Variants in KLF10 observed in about 807,000 individuals in gnomAD.
KLF10 encodes KLF transcription factor 10, also known as Krueppel-like factor 10.
A neutral mutation model predicts 31.6 loss-of-function variants in KLF10; 17 were observed. The observed-to-expected ratio is 0.54, with a 90% CI of 0.37 to 0.81. KLF10 has a LOEUF of 0.81. Ranked by LOEUF, KLF10 falls within the 30% of genes least tolerant of loss-of-function variation. KLF10 has a pLI of 0.00. For synonymous variants in KLF10, 239 were observed against 215.1 expected (o/e 1.11, Z -0.97); for missense variants, 525 against 598.1 (o/e 0.88, Z 1.27).
At chr8:102,655,262 C>T (rs569882180) in intron 1 of KLF10, among the ~76,000 whole-genome samples, 1 of 151,832 alleles carries the variant, frequency 6.6e-6, no homozygotes, top group African/African-American at 2.4e-5. Flanking sequence ...CCCCGCTCGT[C>T]ATCCTCCTCC....
chr8:102,652,086 A>T (rs748040217), intron 2 of KLF10, 25 bp from the exon 3 acceptor site: 1 of 1,530,510 alleles, frequency 6.5e-7, no homozygotes, highest in South Asian at 1.3e-5. Context: ...AATACATAGC[A>T]TGAGAAATCT....
rs569394051 is a variant in KLF10, at chr8:102,649,044, G to C, written c.*1088C>G. 24 of 152,620 alleles carry C rather than the reference G, an allele frequency of 1.6e-4. No individual in the cohort carries two copies. Among genetic ancestry groups the C allele is most frequent in the African/African-American group, 5.5e-4 (23 of 41,532 alleles). The allele number at this position is 152,620 out of a possible 1,614,324, so 9.5% of individuals were successfully genotyped here. On this transcript the variant is annotated 3_prime_UTR_variant, in exon 4 of 4. Transcript: ENST00000285407. ...ATCCACTATATAACAGAATAAAAGAGAAATACTGTTAACAAAAGTGAATGT... is the reference window on the plus strand; with the variant it reads ...ATCCACTATATAACAGAATAAAAGACAAATACTGTTAACAAAAGTGAATGT...
intron 1 of KLF10, among the ~76,000 whole-genome samples, chr8:102,655,244 C>T (rs551394308): frequency 6.6e-5 from 10 of 152,070 alleles, no homozygotes; most frequent in Admixed American, 3.3e-4. Context: ...GCCCCCTCCC[C>T]ACTCCTCCCC....
intron 1 of KLF10, among the ~76,000 whole-genome samples, chr8:102,654,959 G>T (rs1184418882): frequency 1.3e-5 from 2 of 151,248 alleles, no homozygotes; most frequent in Non-Finnish European, 3.0e-5. Context: ...TCATCCCCCC[G>T]CTCCGACGAC....
Position 102,652,190 on chromosome 8 carries a change from G to C in KLF10, c.244C>G (p.Pro82Ala). Residue 82 changes from proline (P) to alanine (A), a missense_variant, in exon 2 of 4, where the codon CCT (proline) becomes GCT (alanine). By Grantham distance (27) the Pro-to-Ala change is conservative (BLOSUM62 -1). This residue lies in a region of KLF10 where 434 missense variants were observed against 450.7 expected (regional missense o/e 0.96). Transcript: ENST00000285407. The part of the protein sequence containing the change: ...SEEENLLPGT[P>A]DFHTIPAFCL... ...AATGCTGGGATTGTATGAAAATCAG[G>C]TGTTCCCGGAAGCAGATTCTCTTCC... 1 of 1,600,484 alleles carries C rather than the reference G, an allele frequency of 6.2e-7. No individual in the cohort carries two copies. Among genetic ancestry groups the C allele is most frequent in the Non-Finnish European group, 8.5e-7 (1 of 1,171,376 alleles).
At chr8:102,650,416 T>C (rs1334535212) in intron 3 of KLF10, 25 bp from the exon 4 acceptor site, 1 of 1,601,666 alleles carries the variant, frequency 6.2e-7, no homozygotes, top group African/African-American at 1.3e-5. Flanking sequence ...TACAAATCAT[T>C]ATTATGCATA....
At chr8:102,653,253 C>T (rs999873119) in intron 1 of KLF10, among the ~76,000 whole-genome samples, 1 of 152,142 alleles carries the variant, frequency 6.6e-6, no homozygotes, top group African/African-American at 2.4e-5. Flanking sequence ...TGCAATATTA[C>T]TAAAAACTGG....
Position 102,651,876 on chromosome 8 carries a change from T to A in KLF10, c.456A>T (p.Ala152=), listed in dbSNP as rs749606645. 5.6e-6 allele frequency: 9 copies of A among 1,614,096 alleles called. No homozygotes were observed. In the East Asian group the frequency reaches 2.0e-4, roughly 36 times the overall value. The part of the protein sequence containing the change: ...VSAPKLPKAQ[A]TSVIRHTADA... Reference sequence around the variant, plus strand: ...CAGCTGTATGACGAATCACACTTGTTGCCTGAGCTTTGGGGAGTTTGGGGG... The same window carrying A: ...CAGCTGTATGACGAATCACACTTGTAGCCTGAGCTTTGGGGAGTTTGGGGG... Residue 152 remains alanine (A), a synonymous_variant, in exon 3 of 4, where the codon GCA becomes GCT. Coordinates refer to ENST00000285407, the MANE Select transcript of KLF10 (RefSeq NM_005655.4).
chr8:102,653,338 ATC>A lies in KLF10; in HGVS notation c.37-943_37-942del, dbSNP rs1411316363. 8.1e-6 allele frequency: 6 copies of A among 743,266 alleles called. No individual in the cohort carries two copies. The African/African-American group carries it at 9.2e-5, about 11-fold the overall frequency. 46.0% of individuals were successfully genotyped at this position (743,266 alleles called of 1,614,324 possible). On this transcript the variant is annotated intron_variant, in intron 1 of 3. Transcript: ENST00000285407. The stretch of plus-strand genomic sequence containing the variant: ...AAAAAGTCAGCATAATCAAAGTAGA[ATC>A]TATTTTAATTCCTTAAAGAACTGCT...
At chr8:102,654,418 G>C (rs1344348944) in intron 1 of KLF10, 3 of 151,004 alleles carry the variant, frequency 2.0e-5, no homozygotes, top group South Asian at 2.1e-4. Flanking sequence ...GCGGAGGCCG[G>C]GGCTGGGTCA....
intron 1 of KLF10, 34 bp downstream of exon 1, chr8:102,655,532 C>T (rs751387106): frequency 1.2e-6 from 2 of 1,613,668 alleles, no homozygotes; most frequent in Admixed American, 1.7e-5. Context: ...CAAGACCAGG[C>T]GAGGAAGCAC....
chr8:102,654,188 C>T (rs1827300390), intron 1 of KLF10: 1 of 152,232 alleles, frequency 6.6e-6, no homozygotes, highest in Non-Finnish European at 1.4e-5. Flanking sequence ...GCGCCGTCAC[C>T]TTTCCCCTAC....
Position 102,649,086 on chromosome 8 carries a change from C to T in KLF10, c.*1046G>A, listed in dbSNP as rs1205967883. On this transcript the variant is annotated 3_prime_UTR_variant, in exon 4 of 4. Coordinates refer to ENST00000285407, the MANE Select transcript of KLF10 (RefSeq NM_005655.4). The stretch of plus-strand genomic sequence containing the variant: ...AGTGAATGTTCTAATAATTTTTCTA[C>T]CCAACTACCTCCACATCCCCAAAAA... The T allele has an allele frequency of 2.0e-5, 3 of 151,872 alleles. No homozygotes were observed. Among genetic ancestry groups the T allele is most frequent in the Non-Finnish European group, 4.4e-5 (3 of 67,924 alleles). 9.4% of individuals were successfully genotyped at this position (151,872 alleles called of 1,614,324 possible).
At chr8:102,654,128 T>G (rs959469221) in intron 1 of KLF10, 2 of 195,216 alleles carry the variant, frequency 1.0e-5, no homozygotes, top group African/African-American at 2.4e-5. Flanking sequence ...GAACAAAGCG[T>G]GATCAGCGGC....
Sources: allele counts gnomAD v4.1 joint callset (sites outside exome capture counted in the v4.1 genomes callset), GRCh38; gene constraint gnomAD v4.1.1; regional missense constraint gnomAD v4.1.1; transcripts MANE v1.5; gene names NCBI Gene and HGNC (gene_info 2026-07-23, HGNC 2026-07-21).